NR5A2: variants seen among roughly 807,000 people sequenced by gnomAD.
NR5A2 encodes CYP7A promoter-binding factor.
In NR5A2, 26 loss-of-function variants were observed where a neutral mutation model predicts 62.7. The ratio of observed to expected loss-of-function variants is 0.41; its 90% CI spans 0.30 to 0.58. The LOEUF is 0.58. NR5A2 is among the 20% of genes least tolerant of loss of function. The pLI is 0.22. For synonymous variants in NR5A2, 246 were observed against 241.7 expected, an observed-to-expected ratio of 1.02 and a Z score of -0.16; for missense variants, 541 against 669.1, an observed-to-expected ratio of 0.81 and a Z score of 2.11.
At chr1:200,036,030 AAG>A (rs1158843271) in intron 1 of NR5A2, among the ~76,000 whole-genome samples, 1 of 152,130 alleles carries the variant, frequency 6.6e-6, no homozygotes, top group African/African-American at 2.4e-5. Flanking sequence ...TGCTTACACT[AAG>A]AGGTACAGTG....
intron 5 of NR5A2, among the ~76,000 whole-genome samples, chr1:200,108,971 T>C (rs1665817573): frequency 1.3e-5 from 2 of 152,212 alleles, no homozygotes; most frequent in South Asian, 2.1e-4. Flanking sequence ...TAAAACCACA[T>C]GCCATTCTGG....
intron 7 of NR5A2, among the ~76,000 whole-genome samples, chr1:200,159,627 ATTT>A (rs1333465934): frequency 6.8e-6 from 1 of 147,930 alleles, no homozygotes; most frequent in Non-Finnish European, 1.5e-5. Flanking sequence ...TTTTGAAAAG[ATTT>A]TTTAAATTAT....
chr1:200,035,374 C>T (rs1661730881), intron 1 of NR5A2, among the ~76,000 whole-genome samples: 1 of 152,048 alleles, frequency 6.6e-6, no homozygotes, highest in African/African-American at 2.4e-5. Context: ...GTCTGCCACA[C>T]CTTTTGCGAG....
At chr1:200,076,564 A>AT (rs1056894549) in intron 5 of NR5A2, among the ~76,000 whole-genome samples, 5 of 150,922 alleles carry the variant, frequency 3.3e-5, no homozygotes, top group African/African-American at 7.3e-5. Context: ...TATCTTTTTC[A>AT]TTTTTTGTCC....
chr1:200,137,143 T>TTTTATTTA (rs72183793), intron 7 of NR5A2, among the ~76,000 whole-genome samples: 2 of 78,884 alleles, frequency 2.5e-5, no homozygotes, highest in African/African-American at 3.7e-5. Context: ...CCAGATTTTA[T>TTTTATTTA]TTTATTTATT....
At chr1:200,169,400 G>A (rs1005193229) in intron 7 of NR5A2, among the ~76,000 whole-genome samples, 19 of 152,182 alleles carry the variant, frequency 1.2e-4, no homozygotes, top group African/African-American at 4.3e-4. Context: ...CCCTGGCTCA[G>A]CAGAGGACCC....
Position 200,054,529 on chromosome 1 carries a change from G to A in NR5A2, c.1110+5711G>A, listed in dbSNP as rs185613311. 5.6e-4 allele frequency among the ~76,000 whole-genome samples: 85 copies of A among 151,960 alleles called. 1 individual carries two copies. Among genetic ancestry groups the A allele is most frequent in the African/African-American group, 1.2e-3 (48 of 41,410 alleles). ...AATGGATATATAAGAACTTCCCCTC[G>A]GTGAATGATTCTGATACATGTACGT... On this transcript the variant is annotated intron_variant, in intron 5 of 7. Coordinates refer to ENST00000367362, the MANE Select transcript of NR5A2 (RefSeq NM_205860.3).
intron 6 of NR5A2, among the ~76,000 whole-genome samples, chr1:200,120,499 G>A (rs1666432266): frequency 6.6e-6 from 1 of 152,208 alleles, no homozygotes; most frequent in South Asian, 2.1e-4. Context: ...TAGTAATTCT[G>A]ATGCATTTTA....
chr1:200,170,427 G>A lies in NR5A2; in HGVS notation c.1379-3536G>A, dbSNP rs147447969. On this transcript the variant is annotated intron_variant, in intron 7 of 7. Transcript: ENST00000367362. ...CATCAAAACTAATTCCATGAGTACC[G>A]AGGAAACACACTTAAGTTTCTAAAC... Among the ~76,000 whole-genome samples the A allele has an allele frequency of 7.9e-5, 12 of 152,206 alleles. No individual in the cohort carries two copies. The South Asian group carries it at 1.0e-3, about 13-fold the overall frequency.
rs949221704 is a variant in NR5A2 at position 200,039,860 on chromosome 1, G to T, written c.202+65G>T. ...CCCCACCCCCGGGCTCGCCCTGCAG[G>T]CTTCAGCCTCCCGCCCCGCGCGGGC... On this transcript the variant is annotated intron_variant, in intron 2 of 7. Coordinates refer to ENST00000367362, the MANE Select transcript of NR5A2 (RefSeq NM_205860.3). The surrounding 1 kb of genome is among the most constrained non-coding windows in gnomAD (Gnocchi z 5.1). The T allele has an allele frequency of 1.5e-5, 22 of 1,509,038 alleles. No homozygotes were observed. Among genetic ancestry groups the T allele is most frequent in the Non-Finnish European group, 1.8e-5 (20 of 1,137,106 alleles). 93.5% of individuals were successfully genotyped at this position (1,509,038 alleles called of 1,614,324 possible). A position where few individuals can be genotyped will look rare whatever the true frequency, so the allele number is the denominator to read the frequency against.
intron 7 of NR5A2, among the ~76,000 whole-genome samples, chr1:200,135,318 C>T (rs866599787): frequency 6.6e-5 from 10 of 152,108 alleles, no homozygotes; most frequent in South Asian, 2.1e-4. Flanking sequence ...GTCGCGAGTT[C>T]GAGACCAGCC....
chr1:200,117,151 G>A (rs996523505), intron 6 of NR5A2, among the ~76,000 whole-genome samples: 5 of 152,124 alleles, frequency 3.3e-5, no homozygotes, highest in African/African-American at 1.2e-4. Flanking sequence ...ATGACACAAA[G>A]ATTACATGTA....
At chr1:200,096,650 A>G (rs1359990192) in intron 5 of NR5A2, among the ~76,000 whole-genome samples, 2 of 152,210 alleles carry the variant, frequency 1.3e-5, no homozygotes, top group Non-Finnish European at 2.9e-5. Context: ...CACTCTGTAG[A>G]AGCAGCGTGT....
intron 5 of NR5A2, among the ~76,000 whole-genome samples, chr1:200,099,163 A>G (rs1259486788): frequency 6.6e-6 from 1 of 152,180 alleles, no homozygotes; most frequent in African/African-American, 2.4e-5. Flanking sequence ...CTTTGTACCC[A>G]GAGAATTCCC....
rs1667773786 is a variant in NR5A2 at position 200,147,722 on chromosome 1, G to A, written c.1379-26241G>A. 1 of 627,300 alleles carries A rather than the reference G, an allele frequency of 1.6e-6. No individual in the cohort carries two copies. Among genetic ancestry groups the A allele is most frequent in the Admixed American group, 2.2e-5 (1 of 45,466 alleles). 38.9% of individuals were successfully genotyped at this position (627,300 alleles called of 1,614,324 possible). A position where few individuals can be genotyped will look rare whatever the true frequency, so the allele number is the denominator to read the frequency against. On this transcript the variant is annotated intron_variant, in intron 7 of 7. Coordinates refer to ENST00000367362, the MANE Select transcript of NR5A2 (RefSeq NM_205860.3). This position sits in a 1 kb window ranked among gnomAD's most constrained non-coding sequence, Gnocchi z 4.9. ...GCGATCTCCTCCAGCTCCTCCCTGA[G>A]CGCCTCTCCCACGTCCACGGTGAAG...
chr1:200,105,810 G>A (rs1049681514), intron 5 of NR5A2, among the ~76,000 whole-genome samples: 7 of 151,934 alleles, frequency 4.6e-5, no homozygotes, highest in South Asian at 2.1e-4. Context: ...AAAATTAGCC[G>A]GCATGGTGGT....
intron 5 of NR5A2, among the ~76,000 whole-genome samples, chr1:200,052,875 T>A (rs556249448): frequency 6.6e-6 from 1 of 151,896 alleles, no homozygotes; most frequent in Admixed American, 6.6e-5. Flanking sequence ...CTCCTGACCT[T>A]GCGATCCGCC....
chr1:200,100,772 C>CAGG (rs1665328849), intron 5 of NR5A2, among the ~76,000 whole-genome samples: 1 of 152,158 alleles, frequency 6.6e-6, no homozygotes, highest in Admixed American at 6.6e-5. Flanking sequence ...TGGAAAAACC[C>CAGG]ACAAATTTTG....
At chr1:200,089,944 TCAAAG>T (rs1233180524) in intron 5 of NR5A2, among the ~76,000 whole-genome samples, 2 of 152,178 alleles carry the variant, frequency 1.3e-5, no homozygotes, top group African/African-American at 4.8e-5. Context: ...CCTGCCAAAC[TCAAAG>T]CCATTGATTT....
Sources: allele counts gnomAD v4.1 joint callset (sites outside exome capture counted in the v4.1 genomes callset), GRCh38; gene constraint gnomAD v4.1.1; non-coding constraint Gnocchi (gnomAD v3.1); transcripts MANE v1.5; gene names NCBI Gene and HGNC (gene_info 2026-07-23, HGNC 2026-07-21).